The following TMEM163 variants were observed in gnomAD, a reference collection of about 807,000 sequenced individuals.
TMEM163 encodes transmembrane protein 163.
TMEM163 carries 17 observed loss-of-function variants against 29.3 expected under a neutral mutation model. The ratio of observed to expected loss-of-function variants is 0.58; its 90% CI spans 0.40 to 0.87. The LOEUF is 0.87. Ranked by LOEUF, TMEM163 falls within the 40% of genes least tolerant of loss-of-function variation. The probability of loss-of-function intolerance (pLI) is 0.00; values close to 1 mark genes in which losing one functional copy is unlikely to be tolerated. For synonymous variants in TMEM163, 157 were observed against 160.6 expected (o/e 0.98, Z 0.17); for missense variants, 303 against 381.5 (o/e 0.79, Z 1.71).
intron 6 of TMEM163, among the ~76,000 whole-genome samples, chr2:134,463,301 C>A (rs1468192629): frequency 6.6e-6 from 1 of 152,214 alleles, no homozygotes; most frequent in Non-Finnish European, 1.5e-5. Flanking sequence ...TCCCTCGGCT[C>A]TCAGCACAGA....
At chr2:134,714,218 A>G (rs1684989219) in intron 1 of TMEM163, among the ~76,000 whole-genome samples, 1 of 152,156 alleles carries the variant, frequency 6.6e-6, no homozygotes, top group Non-Finnish European at 1.5e-5. Flanking sequence ...CATATACAGC[A>G]TCTCTTAGTT....
intron 2 of TMEM163, among the ~76,000 whole-genome samples, chr2:134,612,402 G>A (rs1201456220): frequency 6.6e-6 from 1 of 152,166 alleles, no homozygotes; most frequent in Non-Finnish European, 1.5e-5. Flanking sequence ...CTGCACACGT[G>A]CAGGGCTGTG....
At chr2:134,467,723 G>C (rs545687560) in intron 5 of TMEM163, 1 of 152,308 alleles carries the variant, frequency 6.6e-6, no homozygotes, top group African/African-American at 2.4e-5. Flanking sequence ...GAAAACCGGG[G>C]ACATGAGAAG....
At chr2:134,563,189 A>G (rs1681221439) in intron 2 of TMEM163, among the ~76,000 whole-genome samples, 2 of 152,244 alleles carry the variant, frequency 1.3e-5, no homozygotes, top group African/African-American at 4.8e-5. Flanking sequence ...CATCAACGAG[A>G]GGAGCCAAGG....
intron 5 of TMEM163, among the ~76,000 whole-genome samples, chr2:134,489,111 A>C (rs887237285): frequency 6.6e-6 from 1 of 152,234 alleles, no homozygotes; most frequent in African/African-American, 2.4e-5. Context: ...CACACGGTAC[A>C]TACTACCATG....
chr2:134,532,299 G>C (rs1382157702), intron 4 of TMEM163, among the ~76,000 whole-genome samples: 1 of 152,158 alleles, frequency 6.6e-6, no homozygotes, highest in Non-Finnish European at 1.5e-5. Flanking sequence ...TGCACACAAG[G>C]CCTCCTGTCG....
At chr2:134,615,148 T>C (rs1364517688) in intron 2 of TMEM163, among the ~76,000 whole-genome samples, 2 of 152,260 alleles carry the variant, frequency 1.3e-5, no homozygotes, top group African/African-American at 4.8e-5. Flanking sequence ...GATTTCAATG[T>C]TTTTTGCACC....
At chr2:134,686,072 CA>C (rs1464758688) in intron 2 of TMEM163, among the ~76,000 whole-genome samples, 5 of 152,160 alleles carry the variant, frequency 3.3e-5, no homozygotes, top group Non-Finnish European at 7.3e-5. Context: ...AGAGTCCAGC[CA>C]GGAGGAAAGG....
chr2:134,636,152 T>A (rs1683098781), intron 2 of TMEM163, among the ~76,000 whole-genome samples: 1 of 152,186 alleles, frequency 6.6e-6, no homozygotes, highest in South Asian at 2.1e-4. Context: ...GGTCTAGCAC[T>A]AAGTGCATTG....
chr2:134,651,420 G>A (rs1216047789), intron 2 of TMEM163, among the ~76,000 whole-genome samples: 1 of 123,688 alleles, frequency 8.1e-6, no homozygotes, highest in Admixed American at 8.0e-5. Flanking sequence ...ATTTGTTTGA[G>A]TTCATTGTAG....
intron 2 of TMEM163, among the ~76,000 whole-genome samples, chr2:134,670,487 T>C (rs1192889692): frequency 6.6e-6 from 1 of 152,170 alleles, no homozygotes; most frequent in Non-Finnish European, 1.5e-5. Flanking sequence ...GCCCTGATAC[T>C]ACCCTTCCTC....
At chr2:134,521,562 T>TCCCAA (rs1158985319) in intron 4 of TMEM163, among the ~76,000 whole-genome samples, 4 of 152,222 alleles carry the variant, frequency 2.6e-5, no homozygotes, top group African/African-American at 9.6e-5. Context: ...TAAGTCATTT[T>TCCCAA]AGGGTGTGCC....
At chr2:134,689,729 C>T (rs13431258) in intron 2 of TMEM163, among the ~76,000 whole-genome samples, 6,805 of 152,252 alleles carry the variant, frequency 0.045, 226 homozygotes, top group Admixed American at 0.087. Flanking sequence ...AAACTAATAG[C>T]TTGTGCTTTT....
chr2:134,554,778 G>A (rs948831658), intron 2 of TMEM163, among the ~76,000 whole-genome samples: 1 of 152,154 alleles, frequency 6.6e-6, no homozygotes, highest in South Asian at 2.1e-4. Flanking sequence ...ATGCAGGAAC[G>A]ATCCGCTTGT....
chr2:134,524,538 C>A (rs1680252696), intron 4 of TMEM163, among the ~76,000 whole-genome samples: 1 of 149,722 alleles, frequency 6.7e-6, no homozygotes, highest in Non-Finnish European at 1.5e-5. Context: ...TCACCCCCTA[C>A]CCATAGGCCC....
chr2:134,688,954 C>G (rs1029726009), intron 2 of TMEM163, among the ~76,000 whole-genome samples: 3 of 152,078 alleles, frequency 2.0e-5, no homozygotes, highest in African/African-American at 7.2e-5. Context: ...AAAGATTTCA[C>G]ATGAAAAATA....
chr2:134,472,735 T>G (rs1186511017), intron 5 of TMEM163, among the ~76,000 whole-genome samples: 3 of 152,212 alleles, frequency 2.0e-5, no homozygotes, highest in Non-Finnish European at 4.4e-5. Context: ...AACAACATGA[T>G]CAACCAGCTT....
chr2:134,667,972 C>T (rs1040680375), intron 2 of TMEM163, among the ~76,000 whole-genome samples: 2 of 152,158 alleles, frequency 1.3e-5, no homozygotes, highest in South Asian at 2.1e-4. Context: ...CAAGCACTGG[C>T]CCAGCTGCTG....
At chr2:134,477,354 G>T (rs971127315) in intron 5 of TMEM163, among the ~76,000 whole-genome samples, 1 of 152,252 alleles carries the variant, frequency 6.6e-6, no homozygotes. Flanking sequence ...TTGTTTAAAA[G>T]CTGTGGCAGA....
Sources: allele counts gnomAD v4.1 joint callset (sites outside exome capture counted in the v4.1 genomes callset), GRCh38; gene constraint gnomAD v4.1.1; transcripts MANE v1.5; gene names NCBI Gene and HGNC (gene_info 2026-07-23, HGNC 2026-07-21).